Variants in ATP2B4 observed in about 807,000 individuals in gnomAD.
ATP2B4 encodes ATPase plasma membrane Ca2+ transporting 4.
In ATP2B4, 39 loss-of-function variants were observed where a neutral mutation model predicts 110.3. The ratio of observed to expected loss-of-function variants is 0.35; its 90% CI spans 0.27 to 0.46. ATP2B4 has a LOEUF of 0.46. ATP2B4 is among the 20% of genes least tolerant of loss of function. The pLI is 1.00. For synonymous variants in ATP2B4, 538 were observed against 571.7 expected (o/e 0.94, Z 0.84); for missense variants, 1,135 against 1,530.9 (o/e 0.74, Z 4.32).
rs182951975 is a variant in ATP2B4, at chr1:203,703,623, C to A, written c.938-29C>A. Reference sequence around the variant, plus strand: ...ACTCAGTGCTACCACCTTGCCTGCTCACCTGTCCTATTTGTGTGTACACTC... The same window carrying A: ...ACTCAGTGCTACCACCTTGCCTGCTAACCTGTCCTATTTGTGTGTACACTC... On this transcript the variant is annotated intron_variant, in intron 7 of 20. Coordinates refer to ENST00000357681, the MANE Select transcript of ATP2B4 (RefSeq NM_001684.5). The A allele has an allele frequency of 9.0e-5, 145 of 1,608,014 alleles. 1 individual carries two copies. The African/African-American group carries it at 1.7e-3, about 19-fold the overall frequency.
At chr1:203,721,136 C>G (rs936118160) in intron 16 of ATP2B4, 61 bp from the exon 17 acceptor site, 3 of 1,571,956 alleles carry the variant, frequency 1.9e-6, no homozygotes, top group South Asian at 2.3e-5. Context: ...GGGCCATCGA[C>G]AGGGCAAAGG....
Position 203,716,927 on chromosome 1 carries a change from G to A in ATP2B4, c.2406+2650G>A, listed in dbSNP as rs1357257424. ...CATAAAAAGAGATTCCCGGCCGGGC[G>A]TAGTGGCTCGTGCTTGTAATCCCAG... On this transcript the variant is annotated intron_variant, in intron 15 of 20. Transcript: ENST00000357681. Among the ~76,000 whole-genome samples the A allele has an allele frequency of 2.8e-5, 4 of 144,486 alleles. 1 individual carries two copies. Among genetic ancestry groups the A allele is most frequent in the African/African-American group, 1.0e-4 (4 of 39,644 alleles). 94.8% of individuals were successfully genotyped at this position (144,486 alleles called of 152,430 possible).
chr1:203,680,084 A>AAAAAAGAG (rs1558030624), intron 1 of ATP2B4, among the ~76,000 whole-genome samples: 1 of 148,722 alleles, frequency 6.7e-6, no homozygotes, highest in African/African-American at 2.5e-5. Flanking sequence ...AAAAAAAGGA[A>AAAAAAGAG]GGAATTCTGA....
At chr1:203,679,584 C>T (rs1300542954) in intron 1 of ATP2B4, among the ~76,000 whole-genome samples, 1 of 152,122 alleles carries the variant, frequency 6.6e-6, no homozygotes, top group Non-Finnish European at 1.5e-5. Flanking sequence ...AAAAGAGGTT[C>T]AAAGTAAGGA....
intron 1 of ATP2B4, among the ~76,000 whole-genome samples, chr1:203,654,478 T>C (rs1159792764): frequency 6.6e-6 from 1 of 152,346 alleles, no homozygotes; most frequent in East Asian, 1.9e-4. Flanking sequence ...TCAAGTCTTA[T>C]CATTTAAGAA....
chr1:203,696,126 C>T (rs766342331), intron 2 of ATP2B4, among the ~76,000 whole-genome samples: 7 of 151,880 alleles, frequency 4.6e-5, no homozygotes, highest in Non-Finnish European at 7.4e-5. Flanking sequence ...GAGGTTTCAC[C>T]GTGTTGGCCA....
intron 2 of ATP2B4, among the ~76,000 whole-genome samples, chr1:203,697,866 G>A (rs1173261298): frequency 6.6e-6 from 1 of 151,950 alleles, no homozygotes; most frequent in African/African-American, 2.4e-5. Context: ...CATCATGCCT[G>A]GCTAATTTTT....
chr1:203,637,149 C>T (rs946001594), intron 1 of ATP2B4, among the ~76,000 whole-genome samples: 3 of 152,148 alleles, frequency 2.0e-5, no homozygotes, highest in Admixed American at 6.5e-5. Context: ...TGCCAATATA[C>T]GGCTGGGTGC....
intron 8 of ATP2B4, among the ~76,000 whole-genome samples, chr1:203,706,102 A>C (rs2102394218): frequency 6.6e-6 from 1 of 152,348 alleles, no homozygotes. Flanking sequence ...ATCAGCCCTC[A>C]AAGCATCCAG....
chr1:203,681,149 A>C (rs1664998628), intron 1 of ATP2B4, among the ~76,000 whole-genome samples: 1 of 152,214 alleles, frequency 6.6e-6, no homozygotes, highest in African/African-American at 2.4e-5. Context: ...TTTAAAAACA[A>C]ATAGAGCCCT....
At chr1:203,663,851 G>A (rs1664423179) in intron 1 of ATP2B4, among the ~76,000 whole-genome samples, 1 of 152,088 alleles carries the variant, frequency 6.6e-6, no homozygotes, top group African/African-American at 2.4e-5. Context: ...CGATCCTCCT[G>A]CCTCGGCCTC....
intron 2 of ATP2B4, among the ~76,000 whole-genome samples, chr1:203,693,675 C>G (rs1281907356): frequency 1.3e-5 from 2 of 152,064 alleles, no homozygotes; most frequent in African/African-American, 4.8e-5. Flanking sequence ...ATCCCTGAGG[C>G]CAGGAAGAAA....
At chr1:203,735,528 A>G (rs541953740) in intron 20 of ATP2B4, among the ~76,000 whole-genome samples, 12 of 152,282 alleles carry the variant, frequency 7.9e-5, no homozygotes, top group African/African-American at 2.4e-4. Flanking sequence ...GGCTCAAGAA[A>G]GAACAGTTGC....
At chr1:203,676,163 A>G (rs1558028518) in intron 1 of ATP2B4, among the ~76,000 whole-genome samples, 1 of 152,098 alleles carries the variant, frequency 6.6e-6, no homozygotes, top group Admixed American at 6.6e-5. Context: ...CGCCACCTGA[A>G]CTTTAGCCAA....
At chr1:203,675,267 T>C (rs11240721) in intron 1 of ATP2B4, among the ~76,000 whole-genome samples, 6,230 of 152,300 alleles carry the variant, frequency 0.041, 397 homozygotes, top group African/African-American at 0.14. Flanking sequence ...GCTTTTGTCA[T>C]CTATGGGTCC....
intron 2 of ATP2B4, among the ~76,000 whole-genome samples, chr1:203,694,769 C>T (rs1277340654): frequency 6.6e-6 from 1 of 152,078 alleles, no homozygotes; most frequent in East Asian, 1.9e-4. Context: ...TGAGAAGAGA[C>T]TAAGAACAGG....
At chr1:203,671,909 G>T (rs985568167) in intron 1 of ATP2B4, among the ~76,000 whole-genome samples, 1 of 152,194 alleles carries the variant, frequency 6.6e-6, no homozygotes, top group African/African-American at 2.4e-5. Context: ...CAGGCTCCTT[G>T]CCTGGGTGGC....
intron 2 of ATP2B4, among the ~76,000 whole-genome samples, chr1:203,692,254 T>G (rs1229643377): frequency 4.6e-5 from 7 of 151,982 alleles, no homozygotes; most frequent in African/African-American, 1.5e-4. Context: ...CACGGCTTAC[T>G]GTAGCCTCAA....
rs139038173 is a variant in ATP2B4 at position 203,734,599 on chromosome 1, G to A, written c.3310-4947G>A. Among the ~76,000 whole-genome samples the A allele has an allele frequency of 9.1e-3, 1,380 of 151,330 alleles. 27 individuals carry two copies. The highest frequency in any genetic ancestry group is 0.029 in the African/African-American group (1,177 of 41,188). On this transcript the variant is annotated intron_variant, in intron 20 of 20. Coordinates refer to ENST00000357681, the MANE Select transcript of ATP2B4 (RefSeq NM_001684.5). ...TGCGTGCCTGTAATCCCAGCTACTC[G>A]GGAGGCTGAGGCGGGAGAATCACTT...
Sources: allele counts gnomAD v4.1 joint callset (sites outside exome capture counted in the v4.1 genomes callset), GRCh38; gene constraint gnomAD v4.1.1; transcripts MANE v1.5; gene names NCBI Gene and HGNC (gene_info 2026-07-23, HGNC 2026-07-21).